The following SHISA5 variants were observed in gnomAD, a reference collection of about 807,000 sequenced individuals.
SHISA5 encodes protein shisa-5.
SHISA5 carries 21 observed loss-of-function variants against 27.5 expected under a neutral mutation model. The ratio of observed to expected loss-of-function variants is 0.76; its 90% CI spans 0.54 to 1.10. The LOEUF (loss-of-function observed/expected upper bound fraction) is 1.10, where lower values mean the gene tolerates loss of function less well. Among genes scored for constraint, SHISA5 ranks in the 50% least tolerant of loss-of-function variants. The pLI is 0.00. For synonymous variants in SHISA5, 137 were observed against 142.2 expected, an observed-to-expected ratio of 0.96 and a Z score of 0.26; for missense variants, 314 against 336.3, an observed-to-expected ratio of 0.93 and a Z score of 0.52.
intron 2 of SHISA5, 99 bp from the exon 3 acceptor site, chr3:48,479,356 A>AGTAGCTTC: frequency 8.4e-7 from 1 of 1,192,684 alleles, no homozygotes; most frequent in Non-Finnish European, 1.2e-6. Context: ...AGAAGCTACT[A>AGTAGCTTC]TGAACCGGTG....
intron 3 of SHISA5, chr3:48,476,988 C>G (rs1181367628): frequency 7.1e-6 from 3 of 423,484 alleles, no homozygotes; most frequent in Non-Finnish European, 1.4e-5. Flanking sequence ...TGAGCTGGCC[C>G]CAGTCACCTC....
In SHISA5 at chr3:48,479,230, C is replaced by T. The variant is rs749992594; in HGVS notation, c.261G>A (p.Glu87=). The change falls in exon 3 of 6, where the codon GAG becomes GAA. Residue 87 remains glutamate (E), a synonymous_variant. Coordinates refer to ENST00000296444, the MANE Select transcript of SHISA5 (RefSeq NM_016479.6). The part of the protein sequence containing the change: ...ASVPASVEPV[E]QLGSALRFRP... ...GAAACCTCAGCGCCGAGCCCAGCTG[C>T]TCCACCGGCTCTACACTGGCAGGCA... 5 of 1,451,558 alleles carry T rather than the reference C, an allele frequency of 3.4e-6. No individual in the cohort carries two copies. The South Asian group carries it at 4.2e-5, about 12-fold the overall frequency. 89.9% of individuals were successfully genotyped at this position (1,451,558 alleles called of 1,614,324 possible). A position where few individuals can be genotyped will look rare whatever the true frequency, so the allele number is the denominator to read the frequency against.
intron 2 of SHISA5, among the ~76,000 whole-genome samples, chr3:48,486,045 T>G (rs534262948): frequency 6.6e-6 from 1 of 150,592 alleles, no homozygotes; most frequent in South Asian, 2.1e-4. Context: ...CCAGGTGATC[T>G]GAGAACGCTA....
At chr3:48,492,620 G>C (rs900079074) in intron 2 of SHISA5, among the ~76,000 whole-genome samples, 1 of 147,988 alleles carries the variant, frequency 6.8e-6, no homozygotes, top group Non-Finnish European at 1.5e-5. Context: ...GTCTGTACAA[G>C]CCTTCGCCCA....
At chr3:48,483,708 G>A (rs113480923) in intron 2 of SHISA5, among the ~76,000 whole-genome samples, 6 of 39,048 alleles carry the variant, frequency 1.5e-4, no homozygotes, top group Admixed American at 1.3e-3. Flanking sequence ...GCGGCTGGCC[G>A]GGTGGGGGGC....
chr3:48,497,904 AG>A (rs2041607828), intron 2 of SHISA5, among the ~76,000 whole-genome samples: 5 of 150,630 alleles, frequency 3.3e-5, no homozygotes, highest in African/African-American at 1.2e-4. Flanking sequence ...AAAAAAGAAG[AG>A]AGAGAGAGAG....
At chr3:48,503,738 C>A in intron 1 of SHISA5, 4 of 1,218,124 alleles carry the variant, frequency 3.3e-6, no homozygotes, top group Non-Finnish European at 4.1e-6. Context: ...TCTGGGGACT[C>A]CATCCCCTGG....
chr3:48,488,726 G>T (rs2041328853), intron 2 of SHISA5, among the ~76,000 whole-genome samples: 1 of 149,936 alleles, frequency 6.7e-6, no homozygotes, highest in Non-Finnish European at 1.5e-5. Flanking sequence ...CCAGCTACTA[G>T]GGAGGCTGAG....
chr3:48,475,096 G>A lies in SHISA5; in HGVS notation c.314+4081C>T, dbSNP rs189682933. Among the ~76,000 whole-genome samples the A allele has an allele frequency of 2.2e-4, 33 of 152,232 alleles. No individual in the cohort carries two copies. In the East Asian group the frequency reaches 6.2e-3, roughly 28 times the overall value. On this transcript the variant is annotated intron_variant, in intron 3 of 5. Transcript: ENST00000296444. Reference sequence around the variant, plus strand: ...ATATTTCCAGTGCCTAGCATATAGTGAGTGCTCAATAAAAAAAAAATTTTT... The same window carrying A: ...ATATTTCCAGTGCCTAGCATATAGTAAGTGCTCAATAAAAAAAAAATTTTT...
rs777746214 is a variant in SHISA5 at position 48,468,999 on chromosome 3, C to T, written c.*108G>A. Reference sequence around the variant, plus strand: ...ACAGCACACATGGGGCGTAAGGAACCGTGCCTGGACACACACAGCACACAT... The same window carrying T: ...ACAGCACACATGGGGCGTAAGGAACTGTGCCTGGACACACACAGCACACAT... On this transcript the variant is annotated 3_prime_UTR_variant, in exon 6 of 6. Coordinates refer to ENST00000296444, the MANE Select transcript of SHISA5 (RefSeq NM_016479.6). 5.7e-6 allele frequency: 9 copies of T among 1,577,058 alleles called. No homozygotes were observed. The highest frequency in any genetic ancestry group is 4.5e-5 in the East Asian group (2 of 44,798).
intron 3 of SHISA5, among the ~76,000 whole-genome samples, chr3:48,477,494 C>A (rs927162695): frequency 2.6e-4 from 39 of 152,296 alleles, no homozygotes; most frequent in African/African-American, 8.7e-4. Context: ...GCCCTGAACT[C>A]CCGGCCTACA....
At position 48,470,534 on chromosome 3, in the gene SHISA5, A is replaced by AGAGG. The variant is rs1183654137; in HGVS notation, c.315-695_315-692dup. ...ACCTGCATGGCCACTTCCACAGGTG[A>AGAGG]GAGGGCCAAGAGCCAAGGGGAGGAC... On this transcript the variant is annotated intron_variant, in intron 3 of 5. Coordinates refer to ENST00000296444, the MANE Select transcript of SHISA5 (RefSeq NM_016479.6). This position sits in a 1 kb window ranked among gnomAD's most constrained non-coding sequence, Gnocchi z 4.3. Among the ~76,000 whole-genome samples the AGAGG allele has an allele frequency of 1.3e-5, 2 of 152,214 alleles. No individual in the cohort carries two copies. Among genetic ancestry groups the AGAGG allele is most frequent in the Non-Finnish European group, 2.9e-5 (2 of 68,034 alleles).
Position 48,469,138 on chromosome 3 carries a change from G to T in SHISA5, c.692C>A (p.Ala231Asp). The stretch of plus-strand genomic sequence containing the variant: ...GGCCGCCTTCGGGGCATCCATGTAG[G>T]CCGGGTTGTAAGGAGGCTGGCTGGC... ...YPASQPPYNPAYMDAPKAAL is the reference protein window; with the variant it reads ...YPASQPPYNPDYMDAPKAAL The change falls in exon 6 of 6, where the codon GCC becomes GAC. Residue 231 changes from alanine to aspartate, a missense_variant. Physicochemically the swap from Ala to Asp is moderately radical, Grantham distance 126. Transcript: ENST00000296444. This position sits in a 1 kb window ranked among gnomAD's most constrained non-coding sequence, Gnocchi z 4.6. 6.2e-7 allele frequency: 1 copy of T among 1,613,064 alleles called. No homozygotes were observed.
At chr3:48,504,191 C>A, upstream of SHISA5, 1 of 475,938 alleles carries the variant, frequency 2.1e-6, no homozygotes, top group Non-Finnish European at 3.3e-6. The surrounding 1 kb of genome is among the most constrained non-coding windows in gnomAD (Gnocchi z 4.0). Context: ...CTCGCCCCGC[C>A]CCGCCCCGGC....
intron 2 of SHISA5, among the ~76,000 whole-genome samples, chr3:48,483,236 C>G (rs1382772707): frequency 1.3e-5 from 2 of 152,038 alleles, no homozygotes; most frequent in African/African-American, 4.8e-5. Flanking sequence ...GACCCTGCGG[C>G]CTTCAGCAGT....
At chr3:48,494,564 G>A (rs2041500692) in intron 2 of SHISA5, among the ~76,000 whole-genome samples, 3 of 147,764 alleles carry the variant, frequency 2.0e-5, no homozygotes, top group South Asian at 2.1e-4. Flanking sequence ...AAAGTGCTGG[G>A]ATTACAGGCG....
At chr3:48,474,988 T>C (rs1294520344) in intron 3 of SHISA5, among the ~76,000 whole-genome samples, 1 of 152,020 alleles carries the variant, frequency 6.6e-6, no homozygotes, top group Non-Finnish European at 1.5e-5. Flanking sequence ...AAACACACAC[T>C]CTGTTGTGTG....
chr3:48,503,866 C>T (rs1324073425), intron 1 of SHISA5, 153 bp downstream of exon 1: 1 of 1,303,924 alleles, frequency 7.7e-7, no homozygotes, highest in South Asian at 2.1e-5. Context: ...AGGAGGGGTC[C>T]GCAGTCGTGG....
Position 48,473,429 on chromosome 3 carries a change from C to A in SHISA5, c.315-3586G>T, listed in dbSNP as rs918690845. 20 of 1,302,620 alleles carry A rather than the reference C, an allele frequency of 1.5e-5. No homozygotes were observed. The African/African-American group carries it at 2.7e-4, about 18-fold the overall frequency. The allele number at this position is 1,302,620 out of a possible 1,614,324, so 80.7% of individuals were successfully genotyped here. A position where few individuals can be genotyped will look rare whatever the true frequency, so the allele number is the denominator to read the frequency against. On this transcript the variant is annotated intron_variant, in intron 3 of 5. Coordinates refer to ENST00000296444, the MANE Select transcript of SHISA5 (RefSeq NM_016479.6). The surrounding 1 kb of genome is among the most constrained non-coding windows in gnomAD (Gnocchi z 4.3). The stretch of plus-strand genomic sequence containing the variant: ...CACCCCCACCCCCACTTCCACCTAA[C>A]CCACCGGCCCTGTTCCACCAGCCTC...
Sources: gnomAD v4.1 joint callset for allele counts (sites outside exome capture counted in the v4.1 genomes callset) on GRCh38, gnomAD v4.1.1 for gene constraint, Gnocchi (gnomAD v3.1) non-coding constraint, MANE v1.5 for transcripts, NCBI Gene and HGNC (gene_info 2026-07-23, HGNC 2026-07-21) for gene names.